FBXO45: variants seen among roughly 807,000 people sequenced by gnomAD.
FBXO45 encodes the protein F-box/SPRY domain-containing protein 1.
FBXO45 carries 3 observed loss-of-function variants against 25.5 expected under a neutral mutation model. The ratio of observed to expected loss-of-function variants is 0.12; its 90% CI spans 0.05 to 0.30. The LOEUF (loss-of-function observed/expected upper bound fraction) is 0.30, where lower values mean the gene tolerates loss of function less well. Ranked by LOEUF, FBXO45 falls within the 10% of genes least tolerant of loss-of-function variation. The pLI is 1.00. For synonymous variants in FBXO45, 155 were observed against 149.8 expected, an observed-to-expected ratio of 1.03 and a Z score of -0.25; for missense variants, 219 against 365.0, an observed-to-expected ratio of 0.60 and a Z score of 3.26.
In FBXO45 at chr3:196,587,096, ACTTT is replaced by A. The variant is rs1475048522; in HGVS notation, c.*2783_*2786del. On this transcript the variant is annotated 3_prime_UTR_variant, in exon 3 of 3. Transcript: ENST00000311630. ...TTTGTTGACTTGGGAAACCTGGAGC[ACTTT>A]CTTTGGTTGGTTAACGAAGCATGCA... 1 of 152,178 alleles carries A rather than the reference ACTTT, an allele frequency of 6.6e-6. No homozygotes were observed. The highest frequency in any genetic ancestry group is 2.4e-5 in the African/African-American group (1 of 41,446). 9.4% of individuals were successfully genotyped at this position (152,178 alleles called of 1,614,324 possible).
In FBXO45 at chr3:196,587,719, T is replaced by A. The variant is rs1736161419; in HGVS notation, c.*3401T>A. 6.6e-6 allele frequency: 1 copy of A among 152,090 alleles called. No individual in the cohort carries two copies. Among genetic ancestry groups the A allele is most frequent in the Non-Finnish European group, 1.5e-5 (1 of 68,036 alleles). 9.4% of individuals were successfully genotyped at this position (152,090 alleles called of 1,614,324 possible). A position where few individuals can be genotyped will look rare whatever the true frequency, so the allele number is the denominator to read the frequency against. On this transcript the variant is annotated 3_prime_UTR_variant, in exon 3 of 3. Transcript: ENST00000311630. ...TTAAATCCCCAAACTATGTAGATTG[T>A]CATATTAATATTAATTTTTTTTTGT...
At chr3:196,571,513 A>C (rs993693370) in intron 1 of FBXO45, among the ~76,000 whole-genome samples, 2 of 152,228 alleles carry the variant, frequency 1.3e-5, no homozygotes, top group African/African-American at 4.8e-5. Context: ...GGCATTAGCC[A>C]CTGCACCCAG....
intron 1 of FBXO45, among the ~76,000 whole-genome samples, chr3:196,570,054 CA>C (rs1175516593): frequency 4.6e-5 from 7 of 152,194 alleles, no homozygotes; most frequent in African/African-American, 1.7e-4. Flanking sequence ...CCTTCATATA[CA>C]AAATAAAAAT....
chr3:196,584,386 G>C lies in FBXO45; in HGVS notation c.*68G>C. On this transcript the variant is annotated 3_prime_UTR_variant, in exon 3 of 3. Transcript: ENST00000311630. This position sits in a 1 kb window ranked among gnomAD's most constrained non-coding sequence, Gnocchi z 4.3. ...TGCTTATGGGAAGTAGAACCATGAA[G>C]TGACTGTCACACATGCATGTCCAAG... 7.2e-7 allele frequency: 1 copy of C among 1,390,122 alleles called. No homozygotes were observed. The highest frequency in any genetic ancestry group is 9.7e-7 in the Non-Finnish European group (1 of 1,032,504). The allele number at this position is 1,390,122 out of a possible 1,614,324, so 86.1% of individuals were successfully genotyped here.
chr3:196,582,614 A>C (rs747431105), intron 2 of FBXO45, among the ~76,000 whole-genome samples: 19 of 151,848 alleles, frequency 1.3e-4, no homozygotes, highest in Non-Finnish European at 2.2e-4. Flanking sequence ...AAAAAGATGA[A>C]ACATCCTTTT....
At chr3:196,578,565 C>CT (rs1447999478) in intron 2 of FBXO45, among the ~76,000 whole-genome samples, 1 of 151,748 alleles carries the variant, frequency 6.6e-6, no homozygotes, top group Non-Finnish European at 1.5e-5. Context: ...AGTTTCAACT[C>CT]TATTTATAGT....
rs1302121099 is a variant in FBXO45, at chr3:196,584,084, GC to G, written c.676-48del. 1.3e-6 allele frequency: 2 copies of G among 1,555,700 alleles called. No homozygotes were observed. Among genetic ancestry groups the G allele is most frequent in the Admixed American group, 3.6e-5 (2 of 55,080 alleles). ...CTTGATTTGTGTCTTGTTTCTTCTAGCTACACCCTTGGCAGATTTTCTTCTA... is the reference window on the plus strand; with the variant it reads ...CTTGATTTGTGTCTTGTTTCTTCTAGTACACCCTTGGCAGATTTTCTTCTA... On this transcript the variant is annotated intron_variant, in intron 2 of 2. Transcript: ENST00000311630. This position sits in a 1 kb window ranked among gnomAD's most constrained non-coding sequence, Gnocchi z 4.3.
At position 196,587,360 on chromosome 3, in the gene FBXO45, C is replaced by A. The variant is rs1253720979; in HGVS notation, c.*3042C>A. ...GACTTAAATGTTAAGCCATTTATTT[C>A]ATCTCCCTCATTCACATAAAGTGTA... On this transcript the variant is annotated 3_prime_UTR_variant, in exon 3 of 3. Coordinates refer to ENST00000311630, the MANE Select transcript of FBXO45 (RefSeq NM_001105573.2). 1 of 152,224 alleles carries A rather than the reference C, an allele frequency of 6.6e-6. No homozygotes were observed. Among genetic ancestry groups the A allele is most frequent in the Non-Finnish European group, 1.5e-5 (1 of 68,044 alleles). The allele number at this position is 152,224 out of a possible 1,614,324, so 9.4% of individuals were successfully genotyped here.
intron 1 of FBXO45, among the ~76,000 whole-genome samples, chr3:196,570,108 C>A (rs541038957): frequency 5.3e-5 from 8 of 151,886 alleles, no homozygotes; most frequent in East Asian, 1.9e-4. Context: ...ACTCTCAGGC[C>A]GAATAAACAA....
rs982348936 is a variant in FBXO45 at position 196,587,883 on chromosome 3, T to C, written c.*3565T>C. On this transcript the variant is annotated 3_prime_UTR_variant, in exon 3 of 3. Coordinates refer to ENST00000311630, the MANE Select transcript of FBXO45 (RefSeq NM_001105573.2). Reference sequence around the variant, plus strand: ...ACCTTTGCCACCCAGGTTCAAGCAATTCTCGTGCCTCAGCCTCCCGAGTAG... The same window carrying C: ...ACCTTTGCCACCCAGGTTCAAGCAACTCTCGTGCCTCAGCCTCCCGAGTAG... 1 of 152,204 alleles carries C rather than the reference T, an allele frequency of 6.6e-6. No homozygotes were observed. Among genetic ancestry groups the C allele is most frequent in the Middle Eastern group, 3.2e-3 (1 of 316 alleles). The allele number at this position is 152,204 out of a possible 1,614,324, so 9.4% of individuals were successfully genotyped here.
At chr3:196,572,480 G>A (rs1179691709) in intron 1 of FBXO45, among the ~76,000 whole-genome samples, 1 of 152,192 alleles carries the variant, frequency 6.6e-6, no homozygotes, top group East Asian at 1.9e-4. Flanking sequence ...TGATAAGTAG[G>A]CAAAGGGGAG....
At chr3:196,580,199 T>TC (rs1392158188) in intron 2 of FBXO45, among the ~76,000 whole-genome samples, 12 of 113,446 alleles carry the variant, frequency 1.1e-4, no homozygotes, top group Non-Finnish European at 1.8e-4. Context: ...AGAAGGGGTT[T>TC]CTTTTTTTTT....
chr3:196,581,271 G>A (rs373899819), intron 2 of FBXO45, among the ~76,000 whole-genome samples: 29 of 103,348 alleles, frequency 2.8e-4, no homozygotes, highest in East Asian at 6.5e-4. Context: ...TCACTCTGTC[G>A]TCAGGCTGGA....
intron 2 of FBXO45, among the ~76,000 whole-genome samples, chr3:196,578,046 C>CTTTT (rs775555553): frequency 1.1e-5 from 1 of 94,100 alleles, no homozygotes; most frequent in Admixed American, 1.4e-4. Flanking sequence ...GAAAAATATT[C>CTTTT]TTTTTTTTTT....
chr3:196,584,210 G>C lies in FBXO45; in HGVS notation c.753G>C (p.Gly251=), dbSNP rs780554125. 4.3e-6 allele frequency: 7 copies of C among 1,613,932 alleles called. No individual in the cohort carries two copies. The Admixed American group carries it at 8.3e-5, about 19-fold the overall frequency. The part of the protein sequence containing the change: ...LAFERGYEFL[G]VAFRGLPKVC... ...TTGAACGTGGATATGAGTTCCTGGG[G>C]GTTGCTTTTAGAGGACTTCCAAAGG... Residue 251 remains glycine (G), a synonymous_variant, in exon 3 of 3, where the codon GGG becomes GGC. Transcript: ENST00000311630. This position sits in a 1 kb window ranked among gnomAD's most constrained non-coding sequence, Gnocchi z 4.3.
In FBXO45 at chr3:196,584,558, C is replaced by T. The variant is rs577930726; in HGVS notation, c.*240C>T. 6 of 388,002 alleles carry T rather than the reference C, an allele frequency of 1.5e-5. No homozygotes were observed. The highest frequency in any genetic ancestry group is 8.4e-5 in the African/African-American group (4 of 47,814). The allele number at this position is 388,002 out of a possible 1,614,324, so 24.0% of individuals were successfully genotyped here. A position where few individuals can be genotyped will look rare whatever the true frequency, so the allele number is the denominator to read the frequency against. Reference sequence around the variant, plus strand: ...GCAGTTGACATATGCATGTTGCACCCGATGTTGTCTCTAAGTTAGCAATGT... The same window carrying T: ...GCAGTTGACATATGCATGTTGCACCTGATGTTGTCTCTAAGTTAGCAATGT... On this transcript the variant is annotated 3_prime_UTR_variant, in exon 3 of 3. Coordinates refer to ENST00000311630, the MANE Select transcript of FBXO45 (RefSeq NM_001105573.2). The surrounding 1 kb of genome is among the most constrained non-coding windows in gnomAD (Gnocchi z 4.3).
At chr3:196,570,892 C>G (rs1282200309) in intron 1 of FBXO45, among the ~76,000 whole-genome samples, 1 of 151,726 alleles carries the variant, frequency 6.6e-6, no homozygotes, top group Admixed American at 6.6e-5. Flanking sequence ...TTTGTACTTT[C>G]AGTAGAGACA....
intron 1 of FBXO45, among the ~76,000 whole-genome samples, chr3:196,574,756 G>T (rs1489035716): frequency 1.3e-5 from 2 of 152,200 alleles, no homozygotes; most frequent in African/African-American, 4.8e-5. Flanking sequence ...CAAGCACCCG[G>T]CAGAGAGAGA....
At chr3:196,570,824 G>T (rs1269165090) in intron 1 of FBXO45, among the ~76,000 whole-genome samples, 2 of 149,190 alleles carry the variant, frequency 1.3e-5, no homozygotes, top group Non-Finnish European at 3.0e-5. Context: ...CCATTCTCCT[G>T]CCTCAGCCTC....
Sources: allele counts gnomAD v4.1 joint callset (sites outside exome capture counted in the v4.1 genomes callset), GRCh38; gene constraint gnomAD v4.1.1; non-coding constraint Gnocchi (gnomAD v3.1); transcripts MANE v1.5; gene names NCBI Gene and HGNC (gene_info 2026-07-23, HGNC 2026-07-21).